Variants in VEGFA observed in about 807,000 individuals in gnomAD.
VEGFA encodes the protein vascular endothelial growth factor A.
VEGFA carries 20 observed loss-of-function variants against 49.7 expected under a neutral mutation model. The observed-to-expected ratio is 0.40, with a 90% CI of 0.28 to 0.58. VEGFA has a LOEUF of 0.58. Ranked by LOEUF, VEGFA falls within the 20% of genes least tolerant of loss-of-function variation. The pLI, the probability that VEGFA is intolerant of heterozygous loss-of-function variation, is 0.40. For missense variants in VEGFA, 505 were observed against 553.5 expected, an observed-to-expected ratio of 0.91 and a Z score of 0.88; for synonymous variants, 219 against 223.4, an observed-to-expected ratio of 0.98 and a Z score of 0.18.
At chr6:43,780,970 C>T in intron 6 of VEGFA, 167 bp downstream of exon 6, 2 of 1,541,936 alleles carry the variant, frequency 1.3e-6, no homozygotes, top group Non-Finnish European at 1.8e-6. Context: ...TAATTGGCAC[C>T]AACGGGTAGA....
At chr6:43,784,268 G>T in intron 7 of VEGFA, 1 of 583,964 alleles carries the variant, frequency 1.7e-6, no homozygotes, top group Non-Finnish European at 3.1e-6. Flanking sequence ...CCATGTCCTT[G>T]TCTTGTCTCA....
At chr6:43,772,872 G>A (rs1396041191) in intron 1 of VEGFA, among the ~76,000 whole-genome samples, 1 of 152,198 alleles carries the variant, frequency 6.6e-6, no homozygotes, top group Non-Finnish European at 1.5e-5. Flanking sequence ...CCTGGCCACA[G>A]TGTGACCTTC....
chr6:43,779,403 GAC>G, intron 5 of VEGFA: 3 of 338,612 alleles, frequency 8.9e-6, no homozygotes, highest in Non-Finnish European at 1.7e-5. Context: ...GCAGGCGGCA[GAC>G]ACACAGCCCT....
Position 43,770,763 on chromosome 6 carries a change from C to A in VEGFA, c.57C>A (p.Gly19=). The A allele has an allele frequency of 6.7e-7, 1 of 1,489,496 alleles. No homozygotes were observed. Among genetic ancestry groups the A allele is most frequent in the Non-Finnish European group, 8.9e-7 (1 of 1,127,480 alleles). 92.3% of individuals were successfully genotyped at this position (1,489,496 alleles called of 1,614,324 possible). A position where few individuals can be genotyped will look rare whatever the true frequency, so the allele number is the denominator to read the frequency against. Residue 19 remains glycine, a synonymous_variant, in exon 1 of 8, where the codon GGC becomes GGA. Transcript: ENST00000672860. Reference sequence around the variant, plus strand: ...GCCCCAGCTACCACCTCCTCCCCGGCCGGCGGCGGACAGTGGACGCGGCGG... The same window carrying A: ...GCCCCAGCTACCACCTCCTCCCCGGACGGCGGCGGACAGTGGACGCGGCGG...
Position 43,773,641 on chromosome 6 carries a change from AG to A in VEGFA, c.607-698del, listed in dbSNP as rs1393197054. The A allele has an allele frequency of 6.5e-6, 1 of 153,020 alleles. No individual in the cohort carries two copies. Among genetic ancestry groups the A allele is most frequent in the African/African-American group, 2.4e-5 (1 of 41,424 alleles). 9.5% of individuals were successfully genotyped at this position (153,020 alleles called of 1,614,324 possible). A position where few individuals can be genotyped will look rare whatever the true frequency, so the allele number is the denominator to read the frequency against. Reference sequence around the variant, plus strand: ...AGGGAGAAGAAACCAGGGAACAGGTAGGAGTGGGAGACAGGTGAGGCTTTGG... The same window carrying A: ...AGGGAGAAGAAACCAGGGAACAGGTAGAGTGGGAGACAGGTGAGGCTTTGG... On this transcript the variant is annotated intron_variant, in intron 1 of 7. Transcript: ENST00000672860. This position sits in a 1 kb window ranked among gnomAD's most constrained non-coding sequence, Gnocchi z 5.6.
intron 3 of VEGFA, 109 bp from the exon 4 acceptor site, chr6:43,778,351 C>T: frequency 1.1e-6 from 1 of 935,796 alleles, no homozygotes; most frequent in East Asian, 2.6e-5. Flanking sequence ...CCACCCATCC[C>T]TGCTCTGCAG....
Position 43,777,932 on chromosome 6 carries a change from GC to G in VEGFA, c.855+271del. 1 of 545,590 alleles carries G rather than the reference GC, an allele frequency of 1.8e-6. No homozygotes were observed. Among genetic ancestry groups the G allele is most frequent in the Non-Finnish European group, 3.3e-6 (1 of 303,688 alleles). 33.8% of individuals were successfully genotyped at this position (545,590 alleles called of 1,614,324 possible). ...GGACAGATGGATGCCTGTGTCAGGA[GC>G]CCCTCTCTCCCTCTCTTGGAGAGAG... On this transcript the variant is annotated intron_variant, in intron 3 of 7. Transcript: ENST00000672860. This position sits in a 1 kb window ranked among gnomAD's most constrained non-coding sequence, Gnocchi z 4.3.
chr6:43,772,976 C>T (rs998843734), intron 1 of VEGFA, among the ~76,000 whole-genome samples: 1 of 152,142 alleles, frequency 6.6e-6, no homozygotes, highest in African/African-American at 2.4e-5. Context: ...ATTTCCGTCC[C>T]CTTTCCTCCT....
At chr6:43,784,397 A>G in intron 7 of VEGFA, 144 bp from the exon 8 acceptor site, 1 of 842,636 alleles carries the variant, frequency 1.2e-6, no homozygotes, top group Non-Finnish European at 2.1e-6. Flanking sequence ...CTGCCCCAGG[A>G]CCACACCTTC....
chr6:43,782,262 C>T (rs1768078614), intron 7 of VEGFA, 175 bp downstream of exon 7: 17 of 992,438 alleles, frequency 1.7e-5, no homozygotes. Context: ...TTTTAAGGCC[C>T]CTGTGGTGGG....
Position 43,770,970 on chromosome 6 carries a change from G to A in VEGFA, c.264G>A (p.Glu88=), listed in dbSNP as rs1018447949. The A allele has an allele frequency of 3.9e-6, 6 of 1,543,712 alleles. No homozygotes were observed. The Admixed American group carries it at 5.9e-5, about 15-fold the overall frequency. Residue 88 remains glutamate (E), a synonymous_variant, in exon 1 of 8, where the codon GAG becomes GAA. Transcript: ENST00000672860. ...CGAGAAGTGCTAGCTCGGGCCGGGA[G>A]GAGCCGCAGCCGGAGGAGGGGGAGG...
chr6:43,771,806 G>A (rs2127999279), intron 1 of VEGFA, among the ~76,000 whole-genome samples: 1 of 152,326 alleles, frequency 6.6e-6, no homozygotes, highest in Admixed American at 6.5e-5. Flanking sequence ...ACTGCCACTC[G>A]GTCTCTTCAG....
rs1763385589 is a variant in VEGFA, at chr6:43,771,126, C to G, written c.420C>G (p.Ala140=). 1 of 1,491,338 alleles carries G rather than the reference C, an allele frequency of 6.7e-7. No individual in the cohort carries two copies. The highest frequency in any genetic ancestry group is 8.9e-7 in the Non-Finnish European group (1 of 1,125,488). The allele number at this position is 1,491,338 out of a possible 1,614,324, so 92.4% of individuals were successfully genotyped here. ...CCGCGCGCGCTCCCCAGGCCCTGGC[C>G]CGGGCCTCGGGCCGGGGAGGAAGAG... The change falls in exon 1 of 8, where the codon GCC becomes GCG. Residue 140 remains alanine, a synonymous_variant. Transcript: ENST00000672860.
chr6:43,781,086 T>A, intron 6 of VEGFA: 1 of 669,942 alleles, frequency 1.5e-6, no homozygotes, highest in Non-Finnish European at 2.5e-6. Context: ...CGATTTTCTC[T>A]CACCCACTGG....
rs1001797852 is a variant in VEGFA at position 43,774,338 on chromosome 6, C to T, written c.607-3C>T. 1.2e-6 allele frequency: 2 copies of T among 1,614,142 alleles called. No homozygotes were observed. The highest frequency in any genetic ancestry group is 8.5e-7 in the Non-Finnish European group (1 of 1,180,022). ...CCATGCCTTGCTCTCTTTCTGTCCT[C>T]AGTGGTCCCAGGCTGCACCCATGGC... On this transcript the variant is annotated splice_polypyrimidine_tract_variant and splice_region_variant and intron_variant, in intron 1 of 7. Transcript: ENST00000672860.
intron 6 of VEGFA, 105 bp downstream of exon 6, chr6:43,780,908 C>T (rs1435601953): frequency 2.5e-6 from 4 of 1,611,728 alleles, no homozygotes; most frequent in African/African-American, 2.7e-5. Flanking sequence ...CCTGGTCCTT[C>T]CCTGGCTCTC....
Position 43,785,707 on chromosome 6 carries a change from C to G in VEGFA, c.*1145C>G, listed in dbSNP as rs1424533026. 1.5e-5 allele frequency: 3 copies of G among 194,578 alleles called. No homozygotes were observed. Among genetic ancestry groups the G allele is most frequent in the Non-Finnish European group, 3.2e-5 (3 of 93,556 alleles). The allele number at this position is 194,578 out of a possible 1,614,324, so 12.1% of individuals were successfully genotyped here. A position where few individuals can be genotyped will look rare whatever the true frequency, so the allele number is the denominator to read the frequency against. On this transcript the variant is annotated 3_prime_UTR_variant, in exon 8 of 8. Coordinates refer to ENST00000672860, the MANE Select transcript of VEGFA (RefSeq NM_003376.6). ...TCCTCCATCCCCTGGTCCTTCCCTTCCCTTCCCGAGGCACAGAGAGACAGG... is the reference window on the plus strand; with the variant it reads ...TCCTCCATCCCCTGGTCCTTCCCTTGCCTTCCCGAGGCACAGAGAGACAGG...
intron 7 of VEGFA, 121 bp from the exon 8 acceptor site, chr6:43,784,420 C>G (rs1206558451): frequency 2.1e-5 from 20 of 942,566 alleles, no homozygotes; most frequent in Non-Finnish European, 3.3e-5. Context: ...GTCCTCTCTG[C>G]TCTTATGGTG....
Position 43,777,701 on chromosome 6 carries a change from A to G in VEGFA, c.855+36A>G, listed in dbSNP as rs2128029407. 6 of 641,386 alleles carry G rather than the reference A, an allele frequency of 9.4e-6. No homozygotes were observed. Among genetic ancestry groups the G allele is most frequent in the East Asian group, 4.3e-5 (1 of 23,412 alleles). 39.7% of individuals were successfully genotyped at this position (641,386 alleles called of 1,614,324 possible). A position where few individuals can be genotyped will look rare whatever the true frequency, so the allele number is the denominator to read the frequency against. ...TTGGGAAGTGGGGCAAGGGGGGGAT[A>G]GGGAGGGGGGTAACACTTTGGGAAC... On this transcript the variant is annotated intron_variant, in intron 3 of 7. Transcript: ENST00000672860. The surrounding 1 kb of genome is among the most constrained non-coding windows in gnomAD (Gnocchi z 4.3).
Sources: allele counts gnomAD v4.1 joint callset (sites outside exome capture counted in the v4.1 genomes callset), GRCh38; gene constraint gnomAD v4.1.1; non-coding constraint Gnocchi (gnomAD v3.1); transcripts MANE v1.5; gene names NCBI Gene and HGNC (gene_info 2026-07-23, HGNC 2026-07-21).